Variants in GRAP2 observed in about 807,000 individuals in gnomAD.
GRAP2 encodes GRB2 related adaptor protein 2.
A neutral mutation model predicts 43.5 loss-of-function variants in GRAP2; 31 were observed. That is an observed-to-expected ratio of 0.71 (90% CI 0.54 to 0.96). GRAP2 has a LOEUF of 0.96. Ranked by LOEUF, GRAP2 falls within the 40% of genes least tolerant of loss-of-function variation. GRAP2 has a pLI of 0.00. For missense variants in GRAP2, 371 were observed against 424.4 expected (o/e 0.87, Z 1.11); for synonymous variants, 156 against 164.8 (o/e 0.95, Z 0.41).
chr22:39,965,789 A>G (rs2067166098), intron 4 of GRAP2, among the ~76,000 whole-genome samples: 1 of 152,242 alleles, frequency 6.6e-6, no homozygotes, highest in Non-Finnish European at 1.5e-5. Context: ...CCCGTCTAGC[A>G]TAGCCTGTAT....
chr22:39,959,735 C>T (rs1388115348), intron 3 of GRAP2, among the ~76,000 whole-genome samples: 1 of 152,168 alleles, frequency 6.6e-6, no homozygotes, highest in Admixed American at 6.5e-5. Context: ...TGCCGGCAGG[C>T]GGCTGCTTCC....
intron 1 of GRAP2, among the ~76,000 whole-genome samples, chr22:39,914,992 C>T (rs1411843223): frequency 1.3e-5 from 2 of 151,744 alleles, no homozygotes; most frequent in African/African-American, 4.8e-5. Flanking sequence ...AGTTGAAGAC[C>T]AGCCTGGCCA....
chr22:39,898,611 G>A (rs764466566), upstream of GRAP2, among the ~76,000 whole-genome samples: 14 of 152,236 alleles, frequency 9.2e-5, no homozygotes, highest in Non-Finnish European at 1.8e-4. Context: ...TCAGGAGTTC[G>A]AGACCAGCCT....
rs189310921 is a variant in GRAP2 at position 39,919,208 on chromosome 22, G to A, written c.-15+17878G>A. On this transcript the variant is annotated intron_variant, in intron 1 of 7. Transcript: ENST00000344138. ...CCCTATTTTTTACCCCAAAAGTGGT[G>A]ATTTTATATAATTTAATCTAATATT... Among the ~76,000 whole-genome samples the A allele has an allele frequency of 1.4e-4, 22 of 152,184 alleles. No individual in the cohort carries two copies. The East Asian group carries it at 4.2e-3, about 29-fold the overall frequency.
chr22:39,943,547 G>T (rs549626059), intron 1 of GRAP2, among the ~76,000 whole-genome samples: 4 of 152,092 alleles, frequency 2.6e-5, no homozygotes, highest in African/African-American at 7.2e-5. Flanking sequence ...TCAGGTTGGC[G>T]GGGTGGGGGT....
Position 39,971,399 on chromosome 22 carries a change from C to T in GRAP2, c.*315C>T, listed in dbSNP as rs755308630. 1 of 332,382 alleles carries T rather than the reference C, an allele frequency of 3.0e-6. No individual in the cohort carries two copies. Among genetic ancestry groups the T allele is most frequent in the Non-Finnish European group, 5.4e-6 (1 of 184,008 alleles). The allele number at this position is 332,382 out of a possible 1,614,324, so 20.6% of individuals were successfully genotyped here. A position where few individuals can be genotyped will look rare whatever the true frequency, so the allele number is the denominator to read the frequency against. On this transcript the variant is annotated 3_prime_UTR_variant, in exon 8 of 8. Transcript: ENST00000344138. The stretch of plus-strand genomic sequence containing the variant: ...TCCTGGCCTTCAGCTGTCACTGCTT[C>T]CTCCTTGTCTTGGGAATTTTCACGG...
chr22:39,897,070 G>A (rs1179511664), upstream of GRAP2, among the ~76,000 whole-genome samples: 1 of 152,136 alleles, frequency 6.6e-6, no homozygotes, highest in East Asian at 1.9e-4. Flanking sequence ...TTGCAAAGCG[G>A]TAAATACTCT....
At chr22:39,895,497 G>A in the GRAP2 span, among the ~76,000 whole-genome samples, 1 of 152,146 alleles carries the variant, frequency 6.6e-6, no homozygotes, top group Admixed American at 6.5e-5. Context: ...TGAATGCTAT[G>A]TTGAGGTATT....
At chr22:39,910,804 C>G (rs1438627024) in intron 1 of GRAP2, among the ~76,000 whole-genome samples, 1 of 151,926 alleles carries the variant, frequency 6.6e-6, no homozygotes, top group Non-Finnish European at 1.5e-5. Flanking sequence ...CTATTTCACT[C>G]GATCATTTTG....
the GRAP2 span, among the ~76,000 whole-genome samples, chr22:39,895,502 G>A: frequency 4.6e-5 from 7 of 152,040 alleles, no homozygotes; most frequent in Admixed American, 1.3e-4. Flanking sequence ...GCTATGTTGA[G>A]GTATTTTGAC....
intron 1 of GRAP2, among the ~76,000 whole-genome samples, chr22:39,922,771 G>A (rs953793344): frequency 7.9e-5 from 12 of 152,178 alleles, no homozygotes; most frequent in South Asian, 2.1e-4. Context: ...GGCCAGGTGC[G>A]GTGGCTCGCG....
chr22:39,964,520 G>T, intron 4 of GRAP2: 1 of 930,820 alleles, frequency 1.1e-6, no homozygotes. Flanking sequence ...AAGGTCGTGG[G>T]GAAGGGGCCT....
At chr22:39,933,851 AAAAG>A (rs1458644721) in intron 1 of GRAP2, among the ~76,000 whole-genome samples, 1 of 151,696 alleles carries the variant, frequency 6.6e-6, no homozygotes, top group Non-Finnish European at 1.5e-5. Context: ...GAAAAAAAAA[AAAAG>A]AAAAGAAAGA....
At chr22:39,934,615 T>G (rs2066788151) in intron 1 of GRAP2, among the ~76,000 whole-genome samples, 1 of 152,244 alleles carries the variant, frequency 6.6e-6, no homozygotes, top group African/African-American at 2.4e-5. Flanking sequence ...CCCTGCATTT[T>G]GGTTTCAAGA....
intron 1 of GRAP2, among the ~76,000 whole-genome samples, chr22:39,915,072 C>G (rs765335457): frequency 9.9e-5 from 15 of 150,964 alleles, no homozygotes; most frequent in Non-Finnish European, 1.9e-4. Context: ...GCCTGTAATC[C>G]CAGCTACTCA....
chr22:39,911,853 C>T (rs1354999408), intron 1 of GRAP2, among the ~76,000 whole-genome samples: 1 of 152,228 alleles, frequency 6.6e-6, no homozygotes, highest in African/African-American at 2.4e-5. Flanking sequence ...GTGAGGATCT[C>T]AGACCCTGCC....
At chr22:39,938,290 A>G (rs1226730087) in intron 1 of GRAP2, among the ~76,000 whole-genome samples, 1 of 152,266 alleles carries the variant, frequency 6.6e-6, no homozygotes, top group Non-Finnish European at 1.5e-5. Flanking sequence ...AGTGACAGAC[A>G]GGGACCTGCA....
At position 39,964,577 on chromosome 22, in the gene GRAP2, C is replaced by T. The variant is rs907842409; in HGVS notation, c.291-1413C>T. 4 of 801,182 alleles carry T rather than the reference C, an allele frequency of 5.0e-6. No individual in the cohort carries two copies. In the Admixed American group the frequency reaches 5.2e-5, roughly 11 times the overall value. 49.6% of individuals were successfully genotyped at this position (801,182 alleles called of 1,614,324 possible). A position where few individuals can be genotyped will look rare whatever the true frequency, so the allele number is the denominator to read the frequency against. The stretch of plus-strand genomic sequence containing the variant: ...AAATCTGGCAAAAAATAAGCTGTTC[C>T]TTGTGCCTAAGGAGACGGTGACCCT... On this transcript the variant is annotated intron_variant, in intron 4 of 7. Transcript: ENST00000344138.
intron 1 of GRAP2, among the ~76,000 whole-genome samples, chr22:39,926,384 C>G (rs2145596778): frequency 6.6e-6 from 1 of 151,396 alleles, no homozygotes; most frequent in South Asian, 2.1e-4. Flanking sequence ...TCTACAAATA[C>G]CAGAGCTAGC....
Sources: gnomAD v4.1 joint callset for allele counts (sites outside exome capture counted in the v4.1 genomes callset) on GRCh38, gnomAD v4.1.1 for gene constraint, MANE v1.5 for transcripts, NCBI Gene and HGNC (gene_info 2026-07-23, HGNC 2026-07-21) for gene names.